The following TRAP1 variants were observed in gnomAD, a reference collection of about 807,000 sequenced individuals.
The protein encoded by TRAP1 is heat shock protein 75 kDa, mitochondrial.
TRAP1 carries 102 observed loss-of-function variants against 89.1 expected under a neutral mutation model. The ratio of observed to expected loss-of-function variants is 1.15; its 90% CI spans 0.98 to 1.35. The LOEUF (loss-of-function observed/expected upper bound fraction) is 1.35, where lower values mean the gene tolerates loss of function less well. TRAP1 is among the 40% of genes most tolerant of loss of function. The pLI, the probability that TRAP1 is intolerant of heterozygous loss-of-function variation, is 0.00. For missense variants in TRAP1, 1,256 were observed against 945.3 expected (o/e 1.33, Z -4.31); for synonymous variants, 508 against 388.0 (o/e 1.31, Z -3.64).
rs554207181 is a variant in TRAP1 at position 3,675,548 on chromosome 16, C to T, written c.815-151G>A. Reference sequence around the variant, plus strand: ...GTACAGAAACAGGGCACAGTGGGGACACCTGTCCTCCCCCCAGTCTCACGG... The same window carrying T: ...GTACAGAAACAGGGCACAGTGGGGATACCTGTCCTCCCCCCAGTCTCACGG... On this transcript the variant is annotated intron_variant, in intron 7 of 17. Coordinates refer to ENST00000246957, the MANE Select transcript of TRAP1 (RefSeq NM_016292.3). 5.8e-6 allele frequency: 4 copies of T among 695,498 alleles called. No homozygotes were observed. The East Asian group carries it at 1.1e-4, about 19-fold the overall frequency. The allele number at this position is 695,498 out of a possible 1,614,324, so 43.1% of individuals were successfully genotyped here. A position where few individuals can be genotyped will look rare whatever the true frequency, so the allele number is the denominator to read the frequency against.
At chr16:3,667,862 A>G (rs1338399725) in intron 11 of TRAP1, among the ~76,000 whole-genome samples, 4 of 148,442 alleles carry the variant, frequency 2.7e-5, no homozygotes, top group East Asian at 2.0e-4. Flanking sequence ...GGGTTCAAGC[A>G]ATTCTCCTGC....
In TRAP1 at chr16:3,690,849, G is replaced by A; in HGVS notation, c.225C>T (p.Ile75=). 1 of 1,550,398 alleles carries A rather than the reference G, an allele frequency of 6.4e-7. No homozygotes were observed. The highest frequency in any genetic ancestry group is 8.7e-7 in the Non-Finnish European group (1 of 1,147,492). The change falls in exon 2 of 18, where the codon ATC becomes ATT. Residue 75 remains isoleucine, a synonymous_variant. Coordinates refer to ENST00000246957, the MANE Select transcript of TRAP1 (RefSeq NM_016292.3). ...EDKEEPLHSI[I]SSTESVQGST... is the part of the protein sequence containing the mutation. Reference sequence around the variant, plus strand: ...TACCCTGCACGCTCTCTGTGCTGCTGATAATCGAGTGCAGGGGTTCCTCCT... The same window carrying A: ...TACCCTGCACGCTCTCTGTGCTGCTAATAATCGAGTGCAGGGGTTCCTCCT...
intron 1 of TRAP1, among the ~76,000 whole-genome samples, chr16:3,691,376 C>G (rs1165204909): frequency 6.6e-6 from 1 of 152,136 alleles, no homozygotes; most frequent in Non-Finnish European, 1.5e-5. Context: ...ACCACCATGC[C>G]CCCATAATTT....
At chr16:3,671,912 G>A in intron 10 of TRAP1, 121 bp from the exon 11 acceptor site, 1 of 1,039,968 alleles carries the variant, frequency 9.6e-7, no homozygotes, top group East Asian at 2.6e-5. Context: ...TGCTAAGAGG[G>A]AAGCAGGGAG....
At position 3,677,682 on chromosome 16, in the gene TRAP1, G is replaced by A. The variant is rs55951270; in HGVS notation, c.544-24C>T. 5.9e-3 allele frequency: 9,424 copies of A among 1,607,670 alleles called. 459 individuals are homozygous for A. The African/African-American group carries it at 0.11, about 19-fold the overall frequency. On this transcript the variant is annotated intron_variant, in intron 5 of 17. Coordinates refer to ENST00000246957, the MANE Select transcript of TRAP1 (RefSeq NM_016292.3). ...GCCTGTGGGGCAGAGGCCAGTTAGTGAGGCAGCCTCCCCTCCAGAGAGCAG... is the reference window on the plus strand; with the variant it reads ...GCCTGTGGGGCAGAGGCCAGTTAGTAAGGCAGCCTCCCCTCCAGAGAGCAG...
chr16:3,705,987 C>T (rs1162606414), intron 1 of TRAP1, among the ~76,000 whole-genome samples: 1 of 151,158 alleles, frequency 6.6e-6, no homozygotes, highest in Non-Finnish European at 1.5e-5. Flanking sequence ...GCCACCAGTC[C>T]CGGCCCTTTT....
Position 3,675,317 on chromosome 16 carries a change from G to C in TRAP1, c.888+7C>G. On this transcript the variant is annotated splice_region_variant and intron_variant, in intron 8 of 17. Coordinates refer to ENST00000246957, the MANE Select transcript of TRAP1 (RefSeq NM_016292.3). ...TTGACCAGTCCCTAGAGGAACTCAG[G>C]GCTCACCTGCAAGGTGTTCATCCGC... 1.2e-6 allele frequency: 2 copies of C among 1,613,874 alleles called. No homozygotes were observed. The highest frequency in any genetic ancestry group is 2.2e-5 in the East Asian group (1 of 44,882).
Position 3,695,918 on chromosome 16 carries a change from G to A in TRAP1, c.89-4933C>T, listed in dbSNP as rs568203435. Among the ~76,000 whole-genome samples the A allele has an allele frequency of 3.9e-5, 6 of 152,306 alleles. No homozygotes were observed. The South Asian group carries it at 6.2e-4, about 16-fold the overall frequency. ...GGGGCAGGAATAAACCCTGCGGGGC[G>A]GCACTGGAGGTACAGGCATCAGTAC... On this transcript the variant is annotated intron_variant, in intron 1 of 17. Coordinates refer to ENST00000246957, the MANE Select transcript of TRAP1 (RefSeq NM_016292.3).
Position 3,717,492 on chromosome 16 carries a change from C to G in TRAP1, c.17G>C (p.Arg6Pro). Residue 6 changes from arginine to proline, a missense_variant, in exon 1 of 18, where the codon CGG becomes CCG. By Grantham distance (103) the Arg-to-Pro change is moderately radical. Coordinates refer to ENST00000246957, the MANE Select transcript of TRAP1 (RefSeq NM_016292.3). Reference protein sequence around the residue: MARELRALLLWGRRLR... With the variant: MARELPALLLWGRRLR... Reference sequence around the variant, plus strand: ...GCGGCGGCCCCACAGCAGCAGCGCCCGCAGCTCGCGCGCCATGTCGTACTC... The same window carrying G: ...GCGGCGGCCCCACAGCAGCAGCGCCGGCAGCTCGCGCGCCATGTCGTACTC... The G allele has an allele frequency of 1.5e-6, 2 of 1,344,410 alleles. No individual in the cohort carries two copies. The highest frequency in any genetic ancestry group is 1.8e-5 in the South Asian group (1 of 55,502). The allele number at this position is 1,344,410 out of a possible 1,614,324, so 83.3% of individuals were successfully genotyped here.
rs369025615 is a variant in TRAP1 at position 3,676,086 on chromosome 16, A to G, written c.764T>C (p.Ile255Thr). The change falls in exon 7 of 18, where the codon ATC becomes ACC. Residue 255 changes from isoleucine (I) to threonine (T), a missense_variant. Ile to Thr is a moderately conservative substitution (Grantham distance 89). Coordinates refer to ENST00000246957, the MANE Select transcript of TRAP1 (RefSeq NM_016292.3). ...CTCCTTGCAGTCGGATTTCAGGTGG[A>G]TGATGATTTTTGTCCCGGTTCTAAC... Reference protein sequence around the residue: ...SGVRTGTKIIIHLKSDCKEFS... With the variant: ...SGVRTGTKIITHLKSDCKEFS... 38 of 1,613,776 alleles carry G rather than the reference A, an allele frequency of 2.4e-5. No individual in the cohort carries two copies. Among genetic ancestry groups the G allele is most frequent in the Non-Finnish European group, 3.1e-5 (37 of 1,179,912 alleles).
intron 4 of TRAP1, chr16:3,680,005 G>A (rs952177837): frequency 5.7e-6 from 3 of 522,676 alleles, no homozygotes; most frequent in South Asian, 4.4e-5. Flanking sequence ...CAAGGCAGGC[G>A]GATCACTTGA....
intron 4 of TRAP1, among the ~76,000 whole-genome samples, chr16:3,683,435 G>C (rs1285520009): frequency 6.7e-6 from 1 of 148,252 alleles, no homozygotes; most frequent in Admixed American, 6.8e-5. Context: ...GCCCAAGCTA[G>C]AGTGCAATGG....
intron 1 of TRAP1, among the ~76,000 whole-genome samples, chr16:3,711,032 GAA>G (rs147569014): frequency 1.8e-3 from 245 of 133,872 alleles, no homozygotes; most frequent in African/African-American, 6.3e-3. Context: ...CAGCTAATTG[GAA>G]AAAAAAAAAA....
intron 9 of TRAP1, 92 bp from the exon 10 acceptor site, chr16:3,672,912 G>C (rs1567229379): frequency 6.8e-7 from 1 of 1,466,028 alleles, no homozygotes; most frequent in Non-Finnish European, 9.0e-7. Flanking sequence ...TGAATCCAGA[G>C]CCCACTCCCG....
intron 3 of TRAP1, among the ~76,000 whole-genome samples, chr16:3,687,951 A>C (rs1006508418): frequency 6.6e-6 from 1 of 151,648 alleles, no homozygotes; most frequent in Non-Finnish European, 1.5e-5. Flanking sequence ...GCGGTGGCTG[A>C]TCTGGGCGGA....
At chr16:3,660,079 T>TG (rs1450511442) in intron 16 of TRAP1, 4 of 152,136 alleles carry the variant, frequency 2.6e-5, no homozygotes, top group Non-Finnish European at 4.4e-5. Context: ...TCTACGTAGC[T>TG]GGAAAAAAAG....
chr16:3,708,772 C>A (rs544119584), intron 1 of TRAP1, among the ~76,000 whole-genome samples: 1 of 149,158 alleles, frequency 6.7e-6, no homozygotes, highest in Non-Finnish European at 1.5e-5. Flanking sequence ...GGTGAGATGG[C>A]GCCACTGCAC....
chr16:3,694,603 G>A (rs1010375800), intron 1 of TRAP1, among the ~76,000 whole-genome samples: 8 of 152,176 alleles, frequency 5.3e-5, no homozygotes, highest in African/African-American at 1.9e-4. Context: ...CTCCCAAAGT[G>A]CTGGGATTAC....
intron 1 of TRAP1, among the ~76,000 whole-genome samples, chr16:3,695,620 T>A (rs2051276810): frequency 6.8e-6 from 1 of 147,444 alleles, no homozygotes; most frequent in African/African-American, 2.5e-5. Flanking sequence ...CAAAATGAAA[T>A]ACAAACAGCA....
Sources: gnomAD v4.1 joint callset for allele counts (sites outside exome capture counted in the v4.1 genomes callset) on GRCh38, gnomAD v4.1.1 for gene constraint, MANE v1.5 for transcripts, NCBI Gene and HGNC (gene_info 2026-07-23, HGNC 2026-07-21) for gene names.